The following PTPRG variants were observed in gnomAD, a reference collection of about 807,000 sequenced individuals.
PTPRG encodes protein tyrosine phosphatase receptor type G, also known as receptor-type tyrosine-protein phosphatase gamma.
A neutral mutation model predicts 165.3 loss-of-function variants in PTPRG; 102 were observed. That is an observed-to-expected ratio of 0.62 (90% CI 0.53 to 0.73). The LOEUF is 0.73. Ranked by LOEUF, PTPRG falls within the 30% of genes least tolerant of loss-of-function variation. The probability of loss-of-function intolerance (pLI) is 0.00; values close to 1 mark genes in which losing one functional copy is unlikely to be tolerated. For missense variants in PTPRG, 1,866 were observed against 1,861.4 expected, an observed-to-expected ratio of 1.00 and a Z score of -0.05; for synonymous variants, 675 against 669.5, an observed-to-expected ratio of 1.01 and a Z score of -0.13.
In PTPRG at chr3:62,289,658, G is replaced by A. The variant is rs865940218; in HGVS notation, c.4056-2763G>A. Among the ~76,000 whole-genome samples, 12 of 147,330 alleles carry A rather than the reference G, an allele frequency of 8.1e-5. 1 individual carries two copies. In the Middle Eastern group the frequency reaches 0.025, roughly 307 times the overall value. On this transcript the variant is annotated intron_variant, in intron 28 of 29. Transcript: ENST00000474889. ...TTAAGAGACATTTCAAAAAAAAATC[G>A]ATATTGAAAAGCGTACAATAAAACA...
chr3:62,227,545 G>T (rs1039080800), intron 13 of PTPRG, among the ~76,000 whole-genome samples: 28 of 152,316 alleles, frequency 1.8e-4, no homozygotes, highest in African/African-American at 6.5e-4. Flanking sequence ...TTTCCAGAAG[G>T]GGGAATGACT....
At chr3:62,154,557 T>G (rs575125725) in intron 6 of PTPRG, among the ~76,000 whole-genome samples, 1 of 152,336 alleles carries the variant, frequency 6.6e-6, no homozygotes, top group South Asian at 2.1e-4. Flanking sequence ...CTTTGAAATC[T>G]AATCTCCTCC....
chr3:61,602,722 G>A (rs762573319), intron 1 of PTPRG, among the ~76,000 whole-genome samples: 11 of 152,186 alleles, frequency 7.2e-5, no homozygotes, highest in Non-Finnish European at 1.3e-4. Context: ...AGACCTATAA[G>A]GGTGGAGGGT....
At chr3:61,798,275 A>G (rs950223986) in intron 2 of PTPRG, among the ~76,000 whole-genome samples, 12 of 152,224 alleles carry the variant, frequency 7.9e-5, no homozygotes, top group African/African-American at 2.4e-4. Flanking sequence ...TATAAATGCT[A>G]AAATACCAAC....
At chr3:62,199,788 G>A (rs2106829766) in intron 10 of PTPRG, among the ~76,000 whole-genome samples, 1 of 152,272 alleles carries the variant, frequency 6.6e-6, no homozygotes, top group South Asian at 2.1e-4. Context: ...CAGTTTGATG[G>A]AGTTTTTAAA....
intron 6 of PTPRG, among the ~76,000 whole-genome samples, chr3:62,139,901 A>G (rs1195511190): frequency 6.6e-6 from 1 of 152,192 alleles, no homozygotes; most frequent in Non-Finnish European, 1.5e-5. Flanking sequence ...TGAATTTGCA[A>G]ATATGCATTG....
intron 2 of PTPRG, among the ~76,000 whole-genome samples, chr3:61,915,175 G>A (rs1417646636): frequency 6.6e-6 from 1 of 152,210 alleles, no homozygotes; most frequent in East Asian, 1.9e-4. Flanking sequence ...GTTGCAGTAG[G>A]CTGAGATCAA....
intron 4 of PTPRG, among the ~76,000 whole-genome samples, chr3:62,061,770 A>G (rs1700821488): frequency 7.6e-6 from 1 of 132,032 alleles, no homozygotes; most frequent in African/African-American, 2.7e-5. Context: ...CTGGGATTAT[A>G]GGCGCCCGCC....
chr3:61,827,807 A>G (rs2036154535), intron 2 of PTPRG, among the ~76,000 whole-genome samples: 2 of 152,180 alleles, frequency 1.3e-5, no homozygotes, highest in African/African-American at 4.8e-5. Flanking sequence ...CCCTATCCTG[A>G]TACAGTTACT....
intron 5 of PTPRG, among the ~76,000 whole-genome samples, chr3:62,127,744 A>G (rs963905941): frequency 3.3e-5 from 5 of 152,200 alleles, no homozygotes; most frequent in African/African-American, 9.7e-5. Flanking sequence ...TCAAGGGCCA[A>G]ATGGCATGGG....
At chr3:61,720,689 G>T (rs2032009277) in intron 1 of PTPRG, among the ~76,000 whole-genome samples, 1 of 152,180 alleles carries the variant, frequency 6.6e-6, no homozygotes, top group South Asian at 2.1e-4. Flanking sequence ...GTATGTGCAG[G>T]ATATGGCAGG....
rs143571781 is a variant in PTPRG, at chr3:61,645,653, A to T, written c.85+83281A>T. Among the ~76,000 whole-genome samples, 73 of 152,304 alleles carry T rather than the reference A, an allele frequency of 4.8e-4. No individual in the cohort carries two copies. The East Asian group carries it at 0.013, about 28-fold the overall frequency. On this transcript the variant is annotated intron_variant, in intron 1 of 29. Coordinates refer to ENST00000474889, the MANE Select transcript of PTPRG (RefSeq NM_002841.4). ...CCACGGGTTGGCAAATTTTTTCTCTAAAGGGCCTGATAGTAGATGCTTTAG... is the reference window on the plus strand; with the variant it reads ...CCACGGGTTGGCAAATTTTTTCTCTTAAGGGCCTGATAGTAGATGCTTTAG...
At chr3:61,957,473 A>G (rs1308581821) in intron 2 of PTPRG, among the ~76,000 whole-genome samples, 3 of 152,238 alleles carry the variant, frequency 2.0e-5, no homozygotes, top group Non-Finnish European at 2.9e-5. Flanking sequence ...TGTACTCCAC[A>G]AATTTATTGA....
At chr3:61,833,303 G>A (rs931159209) in intron 2 of PTPRG, among the ~76,000 whole-genome samples, 1 of 152,104 alleles carries the variant, frequency 6.6e-6, no homozygotes. Flanking sequence ...TGCTACATCT[G>A]TCAAAATCCA....
At position 61,950,569 on chromosome 3, in the gene PTPRG, T is replaced by A. The variant is rs547617942; in HGVS notation, c.191-39056T>A. Reference sequence around the variant, plus strand: ...AACCATGCCTTAAATGGTTTTTTTTTAATACATTTTTTTAAAGCATTGGTT... The same window carrying A: ...AACCATGCCTTAAATGGTTTTTTTTAAATACATTTTTTTAAAGCATTGGTT... On this transcript the variant is annotated intron_variant, in intron 2 of 29. Transcript: ENST00000474889. Among the ~76,000 whole-genome samples, 170 of 151,988 alleles carry A rather than the reference T, an allele frequency of 1.1e-3. 2 individuals carry two copies. The highest frequency in any genetic ancestry group is 2.4e-3 in the African/African-American group (100 of 41,388).
intron 2 of PTPRG, among the ~76,000 whole-genome samples, chr3:61,806,053 A>G (rs2035405588): frequency 6.6e-6 from 1 of 152,220 alleles, no homozygotes; most frequent in Non-Finnish European, 1.5e-5. Flanking sequence ...TGATTGCTAA[A>G]GTTCTGGAAC....
intron 1 of PTPRG, among the ~76,000 whole-genome samples, chr3:61,727,401 C>A (rs1043875864): frequency 6.6e-6 from 1 of 151,968 alleles, no homozygotes; most frequent in African/African-American, 2.4e-5. Flanking sequence ...GGTGGTATGC[C>A]CAGCTCAGCC....
intron 13 of PTPRG, among the ~76,000 whole-genome samples, chr3:62,227,544 G>C (rs560628041): frequency 8.5e-5 from 13 of 152,354 alleles, no homozygotes; most frequent in African/African-American, 3.1e-4. Context: ...GTTTCCAGAA[G>C]GGGGAATGAC....
chr3:61,870,751 G>C (rs1041492274), intron 2 of PTPRG, among the ~76,000 whole-genome samples: 3 of 151,774 alleles, frequency 2.0e-5, no homozygotes, highest in Middle Eastern at 3.4e-3. Context: ...TGTAAGTGTT[G>C]TCTGTATAAA....
Sources: allele counts gnomAD v4.1 joint callset (sites outside exome capture counted in the v4.1 genomes callset), GRCh38; gene constraint gnomAD v4.1.1; transcripts MANE v1.5; gene names NCBI Gene and HGNC (gene_info 2026-07-23, HGNC 2026-07-21).